TASP1: variants seen among roughly 807,000 people sequenced by gnomAD.
TASP1 encodes taspase 1.
Under a neutral mutation model 56.6 loss-of-function variants are expected in TASP1, and 16 were observed. The observed-to-expected ratio is 0.28, with a 90% CI of 0.19 to 0.43. The LOEUF is 0.43. TASP1 is among the 20% of genes least tolerant of loss of function. The pLI is 1.00. For synonymous variants in TASP1, 179 were observed against 184.2 expected (o/e 0.97, Z 0.23); for missense variants, 393 against 511.6 (o/e 0.77, Z 2.24).
At chr20:13,465,668 C>A (rs1193838984) in intron 11 of TASP1, among the ~76,000 whole-genome samples, 1 of 152,082 alleles carries the variant, frequency 6.6e-6, no homozygotes, top group Non-Finnish European at 1.5e-5. Flanking sequence ...AAGAAATGAA[C>A]TACTGATACA....
chr20:13,514,486 G>T (rs1228487295), intron 10 of TASP1, among the ~76,000 whole-genome samples: 3 of 152,096 alleles, frequency 2.0e-5, no homozygotes, highest in Non-Finnish European at 4.4e-5. Flanking sequence ...TTCTGGGATG[G>T]ATGGGCACAA....
chr20:13,315,884 T>C, the TASP1 span, among the ~76,000 whole-genome samples: 1 of 151,950 alleles, frequency 6.6e-6, no homozygotes, highest in Non-Finnish European at 1.5e-5. Context: ...CACAACATAC[T>C]TCTAAATAAC....
At chr20:13,430,321 A>T (rs2042762403) in intron 12 of TASP1, among the ~76,000 whole-genome samples, 1 of 152,246 alleles carries the variant, frequency 6.6e-6, no homozygotes, top group Non-Finnish European at 1.5e-5. Context: ...TGGGTCAGAA[A>T]TTCCACGGTG....
intron 6 of TASP1, among the ~76,000 whole-genome samples, chr20:13,576,377 G>GAAAGAAAGAAAGAAAGAA (rs1555793587): frequency 8.8e-4 from 63 of 71,280 alleles, no homozygotes; most frequent in African/African-American, 2.3e-3. Flanking sequence ...AAGAAAGAAA[G>GAAAGAAAGAAAGAAAGAA]AAAGAAAGAA....
chr20:13,390,422 C>T lies in TASP1; in HGVS notation c.1201G>A (p.Val401Met), dbSNP rs1444730374. Residue 401 changes from valine to methionine, a missense_variant, in exon 14 of 14, where the codon GTG (valine) becomes ATG (methionine). By Grantham distance (21) the Val-to-Met change is conservative. Transcript: ENST00000337743. ...THISRLPPGA[V>M]AGQSVAIEGG... The stretch of plus-strand genomic sequence containing the variant: ...TCGATTGCCACAGACTGTCCTGCCA[C>T]CGCACCAGGAGGAAGTCTTGAAATG... The T allele has an allele frequency of 6.2e-7, 1 of 1,613,872 alleles. No individual in the cohort carries two copies. Among genetic ancestry groups the T allele is most frequent in the Non-Finnish European group, 8.5e-7 (1 of 1,179,950 alleles).
chr20:13,221,763 C>A, the TASP1 span: 4 of 1,429,554 alleles, frequency 2.8e-6, no homozygotes, highest in African/African-American at 1.5e-5. Context: ...CCTAAAGCCG[C>A]GCGTCTCAAA....
the TASP1 span, among the ~76,000 whole-genome samples, chr20:13,269,491 AC>A: frequency 6.6e-6 from 1 of 151,966 alleles, no homozygotes; most frequent in Admixed American, 6.6e-5. Flanking sequence ...CATCCTCATC[AC>A]CTATGGTTCT....
At chr20:13,370,675 C>A in the TASP1 span, among the ~76,000 whole-genome samples, 1 of 152,024 alleles carries the variant, frequency 6.6e-6, no homozygotes, top group Non-Finnish European at 1.5e-5. Context: ...AAGACACAGC[C>A]TTTACAAAAA....
chr20:13,597,810 C>T (rs375043252), intron 4 of TASP1, among the ~76,000 whole-genome samples: 5 of 152,154 alleles, frequency 3.3e-5, no homozygotes, highest in South Asian at 4.1e-4. Flanking sequence ...AATCTCCTTA[C>T]GCTGATAAGC....
At chr20:13,498,693 CA>C (rs111645975) in intron 10 of TASP1, among the ~76,000 whole-genome samples, 33,408 of 135,740 alleles carry the variant, frequency 0.25, 3,781 homozygotes, top group Middle Eastern at 0.33. Context: ...ACAAACATAC[CA>C]AAAAAAAAAA....
chr20:13,580,820 T>G (rs1178912069), intron 6 of TASP1, 77 bp downstream of exon 6: 23 of 1,440,846 alleles, frequency 1.6e-5, no homozygotes, highest in Non-Finnish European at 2.2e-5. Flanking sequence ...CTACCTGGTA[T>G]GTAACCAACA....
intron 4 of TASP1, among the ~76,000 whole-genome samples, chr20:13,618,463 T>C (rs1455272612): frequency 2.0e-5 from 3 of 152,116 alleles, no homozygotes; most frequent in Non-Finnish European, 4.4e-5. Context: ...AACAGTATTA[T>C]ACATAATAAT....
chr20:13,401,180 A>C (rs1448244477), intron 13 of TASP1, among the ~76,000 whole-genome samples: 1 of 152,214 alleles, frequency 6.6e-6, no homozygotes, highest in African/African-American at 2.4e-5. Context: ...AGAACTTAAA[A>C]ATCATATTTT....
chr20:13,295,085 A>G, the TASP1 span, among the ~76,000 whole-genome samples: 2 of 151,986 alleles, frequency 1.3e-5, no homozygotes, highest in African/African-American at 4.8e-5. Flanking sequence ...ATTTCCACCC[A>G]CACCACCACC....
the TASP1 span, among the ~76,000 whole-genome samples, chr20:13,225,003 G>A: frequency 3.8e-3 from 557 of 145,972 alleles, 2 homozygotes; most frequent in Non-Finnish European, 6.6e-3. Context: ...CTGCCACCAC[G>A]CCCGGCTAAT....
chr20:13,226,414 A>AT, the TASP1 span, among the ~76,000 whole-genome samples: 65 of 148,292 alleles, frequency 4.4e-4, no homozygotes, highest in South Asian at 6.4e-4. Context: ...TTTTACTGGA[A>AT]TTTTTTTTTT....
chr20:13,582,682 T>A (rs2047168637), intron 5 of TASP1, among the ~76,000 whole-genome samples: 1 of 152,190 alleles, frequency 6.6e-6, no homozygotes, highest in Admixed American at 6.5e-5. Context: ...TATTTAATAT[T>A]TCAAATCAGT....
At chr20:13,187,537 C>G in the TASP1 span, among the ~76,000 whole-genome samples, 2 of 151,730 alleles carry the variant, frequency 1.3e-5, no homozygotes, top group African/African-American at 4.8e-5. Flanking sequence ...ATCACAAGGT[C>G]AAGAGATCAA....
the TASP1 span, among the ~76,000 whole-genome samples, chr20:13,263,259 C>A: frequency 6.6e-6 from 1 of 152,142 alleles, no homozygotes; most frequent in Non-Finnish European, 1.5e-5. Flanking sequence ...TCATCTGTGT[C>A]TTCACAGTGC....
Sources: gnomAD v4.1 joint callset for allele counts (sites outside exome capture counted in the v4.1 genomes callset) on GRCh38, gnomAD v4.1.1 for gene constraint, MANE v1.5 for transcripts, NCBI Gene and HGNC (gene_info 2026-07-23, HGNC 2026-07-21) for gene names.